MYO1D: variants seen among roughly 807,000 people sequenced by gnomAD.
The protein encoded by MYO1D is unconventional myosin-Id.
Under a neutral mutation model 122.0 loss-of-function variants are expected in MYO1D, and 83 were observed. The ratio of observed to expected loss-of-function variants is 0.68; its 90% CI spans 0.57 to 0.82. The LOEUF is 0.82. Among genes scored for constraint, MYO1D ranks in the 40% least tolerant of loss-of-function variants. The pLI is 0.00. For missense variants in MYO1D, 1,157 were observed against 1,269.5 expected (o/e 0.91, Z 1.35); for synonymous variants, 464 against 446.9 (o/e 1.04, Z -0.48).
intron 14 of MYO1D, among the ~76,000 whole-genome samples, chr17:32,726,547 T>C (rs1038189678): frequency 1.1e-4 from 16 of 150,428 alleles, no homozygotes; most frequent in African/African-American, 3.6e-4. Context: ...ATAGATATAA[T>C]AGATGTAAAT....
intron 1 of MYO1D, among the ~76,000 whole-genome samples, chr17:32,805,192 G>C (rs894509656): frequency 2.0e-5 from 3 of 152,160 alleles, no homozygotes; most frequent in African/African-American, 7.2e-5. Context: ...CACCAAATCT[G>C]CTATCAATAT....
chr17:32,799,531 A>C (rs577297879), intron 1 of MYO1D, among the ~76,000 whole-genome samples: 1 of 152,330 alleles, frequency 6.6e-6, no homozygotes, highest in South Asian at 2.1e-4. Context: ...AGAAGAATCA[A>C]TTAAAAATGG....
chr17:32,717,208 A>C (rs1452366465), intron 15 of MYO1D, among the ~76,000 whole-genome samples: 1 of 152,244 alleles, frequency 6.6e-6, no homozygotes. Context: ...TCCAGTAAAC[A>C]TTTCAAAATA....
intron 20 of MYO1D, among the ~76,000 whole-genome samples, chr17:32,625,580 C>T (rs1344239492): frequency 6.6e-6 from 1 of 151,268 alleles, no homozygotes; most frequent in East Asian, 1.9e-4. Flanking sequence ...AATAGGGTCT[C>T]GCTCTATTGC....
At chr17:32,692,183 A>T (rs1189892997) in intron 16 of MYO1D, among the ~76,000 whole-genome samples, 2 of 152,238 alleles carry the variant, frequency 1.3e-5, no homozygotes, top group African/African-American at 4.8e-5. Context: ...AATATTTCAT[A>T]AACTTTCTGT....
rs140084903 is a variant in MYO1D at position 32,552,016 on chromosome 17, T to A, written c.2864+53071A>T. On this transcript the variant is annotated intron_variant, in intron 21 of 21. Transcript: ENST00000318217. Reference sequence around the variant, plus strand: ...AATGCCTTGAAGTTAAAATAAACTATCCATAGCTAATGTCTTCTCCCTCAT... The same window carrying A: ...AATGCCTTGAAGTTAAAATAAACTAACCATAGCTAATGTCTTCTCCCTCAT... 7.7e-4 allele frequency among the ~76,000 whole-genome samples: 118 copies of A among 152,346 alleles called. 1 individual carries two copies. Among genetic ancestry groups the A allele is most frequent in the Middle Eastern group, 3.4e-3 (1 of 294 alleles).
At chr17:32,825,922 C>T (rs1156419329) in intron 1 of MYO1D, among the ~76,000 whole-genome samples, 2 of 151,786 alleles carry the variant, frequency 1.3e-5, no homozygotes, top group South Asian at 2.1e-4. Context: ...CTCTGGCACA[C>T]GCTTGTAGTC....
chr17:32,574,231 C>T (rs976538846), intron 21 of MYO1D, among the ~76,000 whole-genome samples: 3 of 151,540 alleles, frequency 2.0e-5, no homozygotes, highest in African/African-American at 2.4e-5. Context: ...CTTATCTCTC[C>T]GTACTTTACA....
chr17:32,811,139 G>T (rs2090568479), intron 1 of MYO1D, among the ~76,000 whole-genome samples: 1 of 152,184 alleles, frequency 6.6e-6, no homozygotes, highest in Non-Finnish European at 1.5e-5. Context: ...GGAAGGAGCA[G>T]TTTCTGCTCT....
At chr17:32,736,614 GA>G (rs1174011561) in intron 14 of MYO1D, among the ~76,000 whole-genome samples, 1 of 152,214 alleles carries the variant, frequency 6.6e-6, no homozygotes, top group Non-Finnish European at 1.5e-5. Flanking sequence ...TGTTTCATTA[GA>G]AGGTGAATGC....
intron 16 of MYO1D, among the ~76,000 whole-genome samples, chr17:32,661,661 A>C (rs2088567342): frequency 6.6e-6 from 1 of 151,926 alleles, no homozygotes; most frequent in African/African-American, 2.4e-5. Context: ...GTCCCAAAAA[A>C]AAAAAATACC....
At chr17:32,785,871 G>T (rs2090288378) in intron 1 of MYO1D, among the ~76,000 whole-genome samples, 1 of 152,124 alleles carries the variant, frequency 6.6e-6, no homozygotes, top group South Asian at 2.1e-4. Flanking sequence ...TCCATTTAAG[G>T]AGGATAAAGT....
intron 21 of MYO1D, among the ~76,000 whole-genome samples, chr17:32,560,478 T>C (rs2087109132): frequency 7.3e-6 from 1 of 137,864 alleles, no homozygotes; most frequent in South Asian, 2.3e-4. Context: ...AAGAAAGAAA[T>C]GTATGTTATG....
chr17:32,636,502 T>C (rs2088101352), intron 20 of MYO1D, among the ~76,000 whole-genome samples: 2 of 152,358 alleles, frequency 1.3e-5, no homozygotes, highest in South Asian at 4.1e-4. Context: ...TAGTTGGAAG[T>C]TCCCCATCAC....
chr17:32,722,915 C>G (rs1017482049), intron 14 of MYO1D, among the ~76,000 whole-genome samples: 1 of 152,034 alleles, frequency 6.6e-6, no homozygotes, highest in Non-Finnish European at 1.5e-5. Flanking sequence ...CCAGAAAACT[C>G]CGTCATGTGC....
In MYO1D at chr17:32,794,105, C is replaced by G. The variant is rs566910853; in HGVS notation, c.96-13321G>C. ...GCTAGCACAGCGAACGGTGATCCAG[C>G]TTGGCTTCATGTTTATAAAGCATTC... On this transcript the variant is annotated intron_variant, in intron 1 of 21. Coordinates refer to ENST00000318217, the MANE Select transcript of MYO1D (RefSeq NM_015194.3). 1.1e-4 allele frequency: 16 copies of G among 152,344 alleles called. 3 individuals carry two copies. The highest frequency in any genetic ancestry group is 3.4e-4 in the African/African-American group (14 of 41,578). The allele number at this position is 152,344 out of a possible 1,614,324, so 9.4% of individuals were successfully genotyped here. A position where few individuals can be genotyped will look rare whatever the true frequency, so the allele number is the denominator to read the frequency against.
chr17:32,659,090 G>A, intron 17 of MYO1D, 25 bp downstream of exon 17: 1 of 1,592,662 alleles, frequency 6.3e-7, no homozygotes, highest in East Asian at 2.2e-5. Flanking sequence ...ATAAATGGAT[G>A]CAGCACACAG....
At chr17:32,551,032 T>G (rs2087010790) in intron 21 of MYO1D, among the ~76,000 whole-genome samples, 1 of 152,182 alleles carries the variant, frequency 6.6e-6, no homozygotes, top group Non-Finnish European at 1.5e-5. Flanking sequence ...TTTACAGCCA[T>G]TTCTTAATAT....
chr17:32,759,467 T>G (rs2151015452), intron 10 of MYO1D, among the ~76,000 whole-genome samples: 1 of 152,288 alleles, frequency 6.6e-6, no homozygotes, highest in East Asian at 1.9e-4. Flanking sequence ...AAATACTGGC[T>G]TCATTTCTAT....
Sources: gnomAD v4.1 joint callset for allele counts (sites outside exome capture counted in the v4.1 genomes callset) on GRCh38, gnomAD v4.1.1 for gene constraint, MANE v1.5 for transcripts, NCBI Gene and HGNC (gene_info 2026-07-23, HGNC 2026-07-21) for gene names.